TRAPPC9: variants seen among roughly 807,000 people sequenced by gnomAD.
The protein encoded by TRAPPC9 is IKK2 binding protein.
A neutral mutation model predicts 124.0 loss-of-function variants in TRAPPC9; 83 were observed. The observed-to-expected ratio is 0.67, with a 90% CI of 0.56 to 0.80. The LOEUF (loss-of-function observed/expected upper bound fraction) is 0.80. Ranked by LOEUF, TRAPPC9 falls within the 30% of genes least tolerant of loss-of-function variation. The pLI is 0.00. For missense variants in TRAPPC9, 1,302 were observed against 1,508.3 expected (o/e 0.86, Z 2.27); for synonymous variants, 638 against 617.5 (o/e 1.03, Z -0.49).
intron 21 of TRAPPC9, among the ~76,000 whole-genome samples, chr8:139,838,807 C>T (rs1159387436): frequency 6.6e-6 from 1 of 152,208 alleles, no homozygotes; most frequent in African/African-American, 2.4e-5. Context: ...ATGTCCAGGG[C>T]TTGCCTAGGA....
At chr8:140,271,550 A>G (rs2064882409) in intron 15 of TRAPPC9, among the ~76,000 whole-genome samples, 1 of 152,102 alleles carries the variant, frequency 6.6e-6, no homozygotes, top group Non-Finnish European at 1.5e-5. Context: ...ACAGAGATAG[A>G]GACAGAGAGA....
intron 17 of TRAPPC9, among the ~76,000 whole-genome samples, chr8:140,209,258 G>A (rs1389441302): frequency 6.6e-6 from 1 of 152,208 alleles, no homozygotes; most frequent in African/African-American, 2.4e-5. Context: ...TCTGCTGGAT[G>A]TCAGCTCAGG....
chr8:140,363,891 C>A (rs181136141), intron 8 of TRAPPC9, among the ~76,000 whole-genome samples: 50 of 152,160 alleles, frequency 3.3e-4, no homozygotes, highest in African/African-American at 1.2e-3. Context: ...AGCCACTGCA[C>A]CCGGCCCCAA....
chr8:140,184,955 A>G (rs1426467614), intron 17 of TRAPPC9, among the ~76,000 whole-genome samples: 1 of 152,216 alleles, frequency 6.6e-6, no homozygotes, highest in Non-Finnish European at 1.5e-5. Flanking sequence ...AGATTTGCAA[A>G]GAAGCAATAA....
At chr8:139,806,736 C>G (rs566149408) in intron 21 of TRAPPC9, among the ~76,000 whole-genome samples, 11 of 152,330 alleles carry the variant, frequency 7.2e-5, no homozygotes, top group African/African-American at 2.6e-4. Context: ...AGTTAAGAAC[C>G]CTGATTCTCA....
intron 15 of TRAPPC9, among the ~76,000 whole-genome samples, chr8:140,264,044 G>A (rs910093989): frequency 1.8e-4 from 27 of 152,304 alleles, no homozygotes; most frequent in Admixed American, 1.5e-3. Context: ...CTCCGAGACT[G>A]ATTTCTAAAA....
intron 5 of TRAPPC9, among the ~76,000 whole-genome samples, chr8:140,419,287 C>T (rs1324115641): frequency 6.8e-6 from 1 of 148,122 alleles, no homozygotes; most frequent in Non-Finnish European, 1.5e-5. Context: ...AAATTAGCCG[C>T]GCGTGGTGGC....
intron 17 of TRAPPC9, among the ~76,000 whole-genome samples, chr8:140,115,077 T>G (rs2060853514): frequency 6.6e-6 from 1 of 151,958 alleles, no homozygotes; most frequent in Non-Finnish European, 1.5e-5. Flanking sequence ...ATTGAAGCAA[T>G]AAAAAGTGCA....
chr8:139,922,385 T>C (rs1282707187), intron 19 of TRAPPC9, among the ~76,000 whole-genome samples: 1 of 152,244 alleles, frequency 6.6e-6, no homozygotes, highest in African/African-American at 2.4e-5. Context: ...GGTTTCACCA[T>C]ATTGGCCAGG....
Position 139,877,604 on chromosome 8 carries a change from G to A in TRAPPC9, c.3055+8275C>T, listed in dbSNP as rs146302320. Among the ~76,000 whole-genome samples the A allele has an allele frequency of 7.8e-3, 1,188 of 152,274 alleles. 7 individuals carry two copies. Among genetic ancestry groups the A allele is most frequent in the Admixed American group, 0.014 (207 of 15,296 alleles). ...TCTGCAGCAGGAACACACTCACTCC[G>A]GGATTCAGGCCCCAGAAGCAGGGAG... On this transcript the variant is annotated intron_variant, in intron 21 of 22. Transcript: ENST00000438773.
In TRAPPC9 at chr8:140,159,230, T is replaced by C. The variant is rs527396966; in HGVS notation, c.2556+62229A>G. Among the ~76,000 whole-genome samples, 7 of 152,354 alleles carry C rather than the reference T, an allele frequency of 4.6e-5. 1 individual carries two copies. In the South Asian group the frequency reaches 1.0e-3, roughly 23 times the overall value. ...AAAATTCCACTTCAGAAAATTTAGA[T>C]TTAAAATGCCTAAATCTATTACCAC... On this transcript the variant is annotated intron_variant, in intron 17 of 22. Transcript: ENST00000438773.
intron 21 of TRAPPC9, among the ~76,000 whole-genome samples, chr8:139,767,452 C>A (rs762374807): frequency 2.0e-5 from 3 of 152,176 alleles, no homozygotes; most frequent in Non-Finnish European, 4.4e-5. Flanking sequence ...CCCGTCCTCA[C>A]GAGGGCTCCG....
chr8:140,221,360 G>A, intron 17 of TRAPPC9, 99 bp downstream of exon 17: 6 of 1,525,040 alleles, frequency 3.9e-6, no homozygotes, highest in Non-Finnish European at 5.4e-6. Context: ...AATACACATA[G>A]CCTTTCCTTT....
At chr8:139,882,693 A>G (rs1278554293) in intron 21 of TRAPPC9, among the ~76,000 whole-genome samples, 1 of 152,204 alleles carries the variant, frequency 6.6e-6, no homozygotes, top group Non-Finnish European at 1.5e-5. Context: ...CGGGTCTCAG[A>G]GGAAACAATA....
chr8:140,410,478 G>A (rs1436042104), intron 5 of TRAPPC9, among the ~76,000 whole-genome samples: 1 of 152,098 alleles, frequency 6.6e-6, no homozygotes, highest in African/African-American at 2.4e-5. Flanking sequence ...AGAGATTGCA[G>A]TGAGCCAAGA....
At chr8:140,457,559 C>G (rs867115259) in intron 1 of TRAPPC9, 80 bp downstream of exon 1, 22 of 971,504 alleles carry the variant, frequency 2.3e-5, no homozygotes, top group Non-Finnish European at 2.7e-5. Context: ...CGGGACGCGC[C>G]GACTCCACGG....
At chr8:140,093,509 A>T (rs1456079356) in intron 17 of TRAPPC9, among the ~76,000 whole-genome samples, 1 of 152,096 alleles carries the variant, frequency 6.6e-6, no homozygotes, top group Admixed American at 6.5e-5. Flanking sequence ...TCTACCAAAA[A>T]TATAAAAAAT....
At chr8:139,995,859 A>AT (rs1214098547) in intron 18 of TRAPPC9, among the ~76,000 whole-genome samples, 7 of 131,036 alleles carry the variant, frequency 5.3e-5, no homozygotes, top group African/African-American at 2.5e-4. Flanking sequence ...GGTACTCTGC[A>AT]TTAAAAAAAA....
chr8:140,198,556 A>G (rs139925142), intron 17 of TRAPPC9, among the ~76,000 whole-genome samples: 1,639 of 152,236 alleles, frequency 0.011, 21 homozygotes, highest in African/African-American at 0.038. Context: ...CTCCCGGCTC[A>G]CTGGCTTTCA....
Sources: allele counts gnomAD v4.1 joint callset (sites outside exome capture counted in the v4.1 genomes callset), GRCh38; gene constraint gnomAD v4.1.1; transcripts MANE v1.5; gene names NCBI Gene and HGNC (gene_info 2026-07-23, HGNC 2026-07-21).